FABP1: variants seen among roughly 807,000 people sequenced by gnomAD.
FABP1 encodes fatty acid-binding protein, liver.
FABP1 carries 13 observed loss-of-function variants against 13.7 expected under a neutral mutation model. That is an observed-to-expected ratio of 0.95 (90% CI 0.62 to 1.51). FABP1 has a LOEUF of 1.51. Among genes scored for constraint, FABP1 ranks in the 40% most tolerant of loss-of-function variants. The pLI is 0.00. For missense variants in FABP1, 140 were observed against 155.7 expected (o/e 0.90, Z 0.54); for synonymous variants, 48 against 59.8 (o/e 0.80, Z 0.91).
intron 2 of FABP1, among the ~76,000 whole-genome samples, chr2:88,125,603 G>A (rs2104035867): frequency 6.6e-6 from 1 of 152,336 alleles, no homozygotes; most frequent in Middle Eastern, 3.4e-3. Context: ...ACTGCCTTCA[G>A]TCTAGGGAGG....
intron 1 of FABP1, among the ~76,000 whole-genome samples, chr2:88,127,365 T>C (rs1166646270): frequency 6.6e-6 from 1 of 152,180 alleles, no homozygotes; most frequent in Non-Finnish European, 1.5e-5. Flanking sequence ...TGCATGACCT[T>C]GCTTGTGATT....
At chr2:88,127,924 A>G in intron 1 of FABP1, 27 bp downstream of exon 1, 2 of 1,613,148 alleles carry the variant, frequency 1.2e-6, no homozygotes, top group Non-Finnish European at 1.7e-6. Context: ...TGTGACCCAC[A>G]GCTTTGCCTT....
chr2:88,123,434 T>C (rs888181016), intron 3 of FABP1: 1 of 315,670 alleles, frequency 3.2e-6, no homozygotes, highest in Non-Finnish European at 5.9e-6. Context: ...GAGTACCTAC[T>C]ATGCACCAAA....
chr2:88,127,839 T>C (rs1675327353), intron 1 of FABP1, 112 bp downstream of exon 1: 1 of 1,100,662 alleles, frequency 9.1e-7, no homozygotes, highest in Non-Finnish European at 1.4e-6. Flanking sequence ...TTTGTGTATA[T>C]AGCCTGAATC....
intron 1 of FABP1, among the ~76,000 whole-genome samples, chr2:88,127,492 C>T (rs1461838363): frequency 1.3e-5 from 2 of 152,174 alleles, no homozygotes; most frequent in East Asian, 1.9e-4. Context: ...TCAGCACAGT[C>T]GCCTGGCACA....
Position 88,126,450 on chromosome 2 carries a change from G to A in FABP1, c.68-102C>T. On this transcript the variant is annotated intron_variant, in intron 1 of 3. Transcript: ENST00000295834. ...GACATGACATGGAGGGACAGAGAAG[G>A]GCACTGTGTCTCCCAAGGGGCCACA... 2.5e-6 allele frequency: 3 copies of A among 1,222,090 alleles called. No individual in the cohort carries two copies. In the South Asian group the frequency reaches 4.2e-5, roughly 17 times the overall value. The allele number at this position is 1,222,090 out of a possible 1,614,324, so 75.7% of individuals were successfully genotyped here. A position where few individuals can be genotyped will look rare whatever the true frequency, so the allele number is the denominator to read the frequency against.
At chr2:88,124,695 C>T (rs1675265237) in intron 2 of FABP1, 109 bp from the exon 3 acceptor site, 1 of 709,260 alleles carries the variant, frequency 1.4e-6, no homozygotes, top group Non-Finnish European at 2.4e-6. Flanking sequence ...AACCAAAATG[C>T]TCTGGTTCCT....
intron 2 of FABP1, 53 bp from the exon 3 acceptor site, chr2:88,124,639 C>A: frequency 7.3e-7 from 1 of 1,364,174 alleles, no homozygotes; most frequent in Non-Finnish European, 1.0e-6. Flanking sequence ...GGGGCAAGAG[C>A]CTTGCTAATG....
chr2:88,127,708 G>C (rs959571784), intron 1 of FABP1, among the ~76,000 whole-genome samples: 1 of 152,166 alleles, frequency 6.6e-6, no homozygotes, highest in Non-Finnish European at 1.5e-5. Flanking sequence ...AAGTGCCAAT[G>C]ACATGGCCAT....
chr2:88,127,304 G>T (rs1196406435), intron 1 of FABP1, among the ~76,000 whole-genome samples: 3 of 152,162 alleles, frequency 2.0e-5, no homozygotes, highest in East Asian at 1.9e-4. Context: ...TTAAAGCAGG[G>T]TCTCTGAGAA....
intron 2 of FABP1, among the ~76,000 whole-genome samples, chr2:88,125,536 A>T (rs1675280056): frequency 6.6e-6 from 1 of 152,028 alleles, no homozygotes; most frequent in Non-Finnish European, 1.5e-5. Flanking sequence ...CACAGCCCAC[A>T]CCCCAGCTGT....
At chr2:88,126,705 C>T (rs1289054867) in intron 1 of FABP1, 3 of 189,376 alleles carry the variant, frequency 1.6e-5, no homozygotes, top group East Asian at 2.4e-4. Flanking sequence ...ATTCCCCATA[C>T]CCCTGGTGAC....
chr2:88,126,654 C>T (rs184474945), intron 1 of FABP1: 1 of 265,426 alleles, frequency 3.8e-6, no homozygotes, highest in East Asian at 6.7e-5. Context: ...TCCTCATTCC[C>T]TCCTCCTTTG....
At chr2:88,124,160 T>C (rs1371145777) in intron 3 of FABP1, 1 of 254,356 alleles carries the variant, frequency 3.9e-6, no homozygotes, top group Non-Finnish European at 7.4e-6. Context: ...TGTGCCAGGC[T>C]TGTAAGCTGC....
chr2:88,124,174 A>T, intron 3 of FABP1: 1 of 286,040 alleles, frequency 3.5e-6, no homozygotes. Flanking sequence ...AAGCTGCCAT[A>T]ATATGACCAT....
chr2:88,123,414 A>C (rs1337086960), intron 3 of FABP1: 1 of 369,564 alleles, frequency 2.7e-6, no homozygotes, highest in South Asian at 3.9e-5. Context: ...TAATTTCTCA[A>C]AATTTCATTG....
At chr2:88,123,256 A>G in intron 3 of FABP1, 152 bp from the exon 4 acceptor site, 1 of 626,480 alleles carries the variant, frequency 1.6e-6, no homozygotes, top group Non-Finnish European at 2.8e-6. Context: ...TTCCTGTAGG[A>G]CCGGAGGAAA....
intron 2 of FABP1, 25 bp from the exon 3 acceptor site, chr2:88,124,611 G>A: frequency 6.4e-7 from 1 of 1,563,162 alleles, no homozygotes; most frequent in Non-Finnish European, 8.8e-7. Context: ...GAGGTGACCT[G>A]TGAGGAAGGG....
At chr2:88,125,436 G>A (rs986545479) in intron 2 of FABP1, among the ~76,000 whole-genome samples, 5 of 152,152 alleles carry the variant, frequency 3.3e-5, no homozygotes, top group African/African-American at 1.2e-4. Context: ...GGAGAGAAGA[G>A]GGCTGCTAGA....
Sources: allele counts gnomAD v4.1 joint callset (sites outside exome capture counted in the v4.1 genomes callset), GRCh38; gene constraint gnomAD v4.1.1; transcripts MANE v1.5; gene names NCBI Gene and HGNC (gene_info 2026-07-23, HGNC 2026-07-21).